The following MCPH1 variants were observed in gnomAD, a reference collection of about 807,000 sequenced individuals.
The protein encoded by MCPH1 is microcephalin 1.
Under a neutral mutation model 84.5 loss-of-function variants are expected in MCPH1, and 104 were observed. That is an observed-to-expected ratio of 1.23 (90% CI 1.05 to 1.45). MCPH1 has a LOEUF of 1.45. Among genes scored for constraint, MCPH1 ranks in the 40% most tolerant of loss-of-function variants. MCPH1 has a pLI of 0.00. For missense variants in MCPH1, 1,498 were observed against 1,005.7 expected (o/e 1.49, Z -6.62); for synonymous variants, 514 against 366.8 (o/e 1.40, Z -4.58).
intron 12 of MCPH1, among the ~76,000 whole-genome samples, chr8:6,614,565 T>G (rs1830609186): frequency 6.6e-6 from 1 of 152,234 alleles, no homozygotes; most frequent in African/African-American, 2.4e-5. Flanking sequence ...TCAGAGGACA[T>G]TAGCAAACAC....
chr8:6,557,298 A>T (rs1824781905), intron 12 of MCPH1, among the ~76,000 whole-genome samples: 1 of 152,134 alleles, frequency 6.6e-6, no homozygotes, highest in Non-Finnish European at 1.5e-5. Flanking sequence ...GACTTAAAAA[A>T]ATATACAGGC....
At chr8:6,523,652 C>T (rs1246278345) in intron 12 of MCPH1, among the ~76,000 whole-genome samples, 3 of 152,088 alleles carry the variant, frequency 2.0e-5, no homozygotes, top group African/African-American at 7.2e-5. Flanking sequence ...TGCAGTGGCG[C>T]GATCTCAGCT....
At chr8:6,418,314 T>C (rs901281392) in intron 3 of MCPH1, among the ~76,000 whole-genome samples, 1 of 152,206 alleles carries the variant, frequency 6.6e-6, no homozygotes, top group Non-Finnish European at 1.5e-5. Context: ...CCAGATTCTT[T>C]TGCTTCCTTT....
At chr8:6,625,291 C>T (rs1831950677) in intron 13 of MCPH1, 1 of 985,340 alleles carries the variant, frequency 1.0e-6, no homozygotes. Context: ...CGCAAATGCC[C>T]TGTGGCAGGC....
intron 12 of MCPH1, among the ~76,000 whole-genome samples, chr8:6,503,535 A>G (rs1409330322): frequency 6.6e-6 from 1 of 152,066 alleles, no homozygotes; most frequent in African/African-American, 2.4e-5. Flanking sequence ...CCACAGTCCT[A>G]TTTGGTAAGC....
intron 9 of MCPH1, chr8:6,473,763 T>G: frequency 3.9e-6 from 3 of 768,630 alleles, no homozygotes; most frequent in Non-Finnish European, 5.8e-6. Context: ...AATAAAGCGT[T>G]CCTGATACTT....
At chr8:6,513,457 C>T (rs1467804789) in intron 12 of MCPH1, among the ~76,000 whole-genome samples, 3 of 151,762 alleles carry the variant, frequency 2.0e-5, no homozygotes, top group East Asian at 1.9e-4. Context: ...CTCAGCCTCC[C>T]GAGTAGCTGG....
intron 3 of MCPH1, among the ~76,000 whole-genome samples, chr8:6,421,396 A>C (rs965747111): frequency 2.6e-5 from 4 of 152,094 alleles, no homozygotes; most frequent in African/African-American, 9.7e-5. Flanking sequence ...TAATACTTCA[A>C]CACATGGATC....
intron 12 of MCPH1, among the ~76,000 whole-genome samples, chr8:6,531,796 G>A (rs545582468): frequency 2.4e-3 from 193 of 80,566 alleles, no homozygotes; most frequent in African/African-American, 5.3e-3. Context: ...GCTCTTGCTC[G>A]GGCGTAGCAC....
intron 12 of MCPH1, among the ~76,000 whole-genome samples, chr8:6,578,066 T>C (rs868097281): frequency 6.6e-6 from 1 of 152,332 alleles, no homozygotes; most frequent in Middle Eastern, 3.4e-3. Context: ...CCCTGCTCAG[T>C]AGATCAGACG....
intron 12 of MCPH1, among the ~76,000 whole-genome samples, chr8:6,546,264 AC>A (rs1348335661): frequency 2.3e-4 from 35 of 152,364 alleles, no homozygotes; most frequent in African/African-American, 7.2e-4. Flanking sequence ...TTCAAGGGCA[AC>A]CCAGCAGTGT....
intron 9 of MCPH1, among the ~76,000 whole-genome samples, chr8:6,463,315 A>G (rs1378593672): frequency 6.6e-6 from 1 of 152,202 alleles, no homozygotes; most frequent in Non-Finnish European, 1.5e-5. Context: ...CTCCAGTATC[A>G]TTAGAACCTT....
intron 9 of MCPH1, among the ~76,000 whole-genome samples, chr8:6,466,660 C>G (rs1213279280): frequency 6.6e-6 from 1 of 151,336 alleles, no homozygotes; most frequent in Non-Finnish European, 1.5e-5. Context: ...CAGGATGGTC[C>G]GATCTCCTGA....
In MCPH1 at chr8:6,643,350, C is replaced by T; in HGVS notation, c.*301C>T. ...CACAATCTCGGCTCACTGCAACCTC[C>T]ACCTCCCAGGTTCAAGCGATTCTGC... On this transcript the variant is annotated 3_prime_UTR_variant, in exon 14 of 14. Coordinates refer to ENST00000344683, the MANE Select transcript of MCPH1 (RefSeq NM_024596.5). The T allele has an allele frequency of 7.6e-6, 3 of 394,362 alleles. No individual in the cohort carries two copies. The highest frequency in any genetic ancestry group is 1.4e-5 in the Non-Finnish European group (3 of 212,598). 24.4% of individuals were successfully genotyped at this position (394,362 alleles called of 1,614,324 possible).
chr8:6,619,667 C>T (rs1351091881), intron 12 of MCPH1, among the ~76,000 whole-genome samples: 1 of 152,004 alleles, frequency 6.6e-6, no homozygotes, highest in Non-Finnish European at 1.5e-5. Context: ...TCACTGCAAG[C>T]TCCACCTCCC....
At chr8:6,607,251 A>G (rs948534501) in intron 12 of MCPH1, among the ~76,000 whole-genome samples, 1 of 152,206 alleles carries the variant, frequency 6.6e-6, no homozygotes, top group African/African-American at 2.4e-5. Flanking sequence ...AGCACAGAGA[A>G]GAATCAGAAC....
At chr8:6,477,770 A>C in intron 10 of MCPH1, 139 bp downstream of exon 10, 1 of 741,384 alleles carries the variant, frequency 1.3e-6, no homozygotes, top group Non-Finnish European at 2.3e-6. Context: ...CTGAGTTAGA[A>C]GATCACTGAA....
chr8:6,614,739 C>G lies in MCPH1; in HGVS notation c.2215-6715C>G, dbSNP rs150000488. Among the ~76,000 whole-genome samples the G allele has an allele frequency of 8.2e-3, 1,253 of 152,324 alleles. 13 individuals are homozygous for G. Among genetic ancestry groups the G allele is most frequent in the Admixed American group, 0.013 (197 of 15,302 alleles). On this transcript the variant is annotated intron_variant, in intron 12 of 13. Transcript: ENST00000344683. ...AAACCTCAAAACCTCGACAGCTGAGCTTTCTTACACATGCCTGTGTGGCCC... is the reference window on the plus strand; with the variant it reads ...AAACCTCAAAACCTCGACAGCTGAGGTTTCTTACACATGCCTGTGTGGCCC...
chr8:6,628,530 G>A (rs1449312854), intron 13 of MCPH1, among the ~76,000 whole-genome samples: 12 of 149,738 alleles, frequency 8.0e-5, no homozygotes, highest in Non-Finnish European at 1.8e-4. Context: ...TAGAATACAG[G>A]AGTCAGCTGT....
Sources: allele counts gnomAD v4.1 joint callset (sites outside exome capture counted in the v4.1 genomes callset), GRCh38; gene constraint gnomAD v4.1.1; transcripts MANE v1.5; gene names NCBI Gene and HGNC (gene_info 2026-07-23, HGNC 2026-07-21).